The following AGAP1 variants were observed in gnomAD, a reference collection of about 807,000 sequenced individuals.
AGAP1 encodes arf-GAP with GTPase, ANK repeat and PH domain-containing protein 1.
AGAP1 carries 29 observed loss-of-function variants against 105.3 expected under a neutral mutation model. The observed-to-expected ratio is 0.28, with a 90% CI of 0.21 to 0.38. The LOEUF (loss-of-function observed/expected upper bound fraction) is 0.38. Among genes scored for constraint, AGAP1 ranks in the 10% least tolerant of loss-of-function variants. The pLI, the probability that AGAP1 is intolerant of heterozygous loss-of-function variation, is 1.00. For missense variants in AGAP1, 998 were observed against 1,165.1 expected (o/e 0.86, Z 2.09); for synonymous variants, 509 against 485.9 (o/e 1.05, Z -0.63).
intron 13 of AGAP1, among the ~76,000 whole-genome samples, chr2:236,026,061 T>G (rs550633616): frequency 6.6e-6 from 1 of 152,308 alleles, no homozygotes; most frequent in African/African-American, 2.4e-5. Context: ...TTCATACCTG[T>G]CCACAGGGAG....
chr2:235,688,410 G>A (rs1949571345), intron 1 of AGAP1, among the ~76,000 whole-genome samples: 1 of 152,128 alleles, frequency 6.6e-6, no homozygotes, highest in Non-Finnish European at 1.5e-5. Context: ...CTCTCTGGAA[G>A]GTCATGACGG....
At chr2:235,524,042 C>T (rs937553292) in intron 1 of AGAP1, among the ~76,000 whole-genome samples, 6 of 152,230 alleles carry the variant, frequency 3.9e-5, no homozygotes, top group African/African-American at 1.4e-4. Context: ...CCCCATCCTT[C>T]CAGTGGGGAT....
In AGAP1 at chr2:235,566,256, T is replaced by C. The variant is rs1276031281; in HGVS notation, c.163+71407T>C. On this transcript the variant is annotated intron_variant, in intron 1 of 17. Coordinates refer to ENST00000304032, the MANE Select transcript of AGAP1 (RefSeq NM_001037131.3). The surrounding 1 kb of genome is among the most constrained non-coding windows in gnomAD (Gnocchi z 5.2). ...ACAGGCATGCGCCACCACGCCTGGCTAATTTTGTATTTTTAGTACAGACGG... is the reference window on the plus strand; with the variant it reads ...ACAGGCATGCGCCACCACGCCTGGCCAATTTTGTATTTTTAGTACAGACGG... Among the ~76,000 whole-genome samples, 1 of 152,164 alleles carries C rather than the reference T, an allele frequency of 6.6e-6. No individual in the cohort carries two copies. The highest frequency in any genetic ancestry group is 1.5e-5 in the Non-Finnish European group (1 of 68,038).
chr2:235,603,249 T>C (rs1029027377), intron 1 of AGAP1, among the ~76,000 whole-genome samples: 1 of 152,206 alleles, frequency 6.6e-6, no homozygotes, highest in Non-Finnish European at 1.5e-5. Flanking sequence ...ATGTAAGATG[T>C]GCCTTTCACC....
chr2:235,789,080 GT>G lies in AGAP1; in HGVS notation c.674-8676del, dbSNP rs1956819904. Reference sequence around the variant, plus strand: ...GTGCATGGAAGAGGAAGGGATGTGTGTTTCCTGCAGCGTGATTTGAAGTCCC... The same window carrying G: ...GTGCATGGAAGAGGAAGGGATGTGTGTTCCTGCAGCGTGATTTGAAGTCCC... On this transcript the variant is annotated intron_variant, in intron 6 of 17. Coordinates refer to ENST00000304032, the MANE Select transcript of AGAP1 (RefSeq NM_001037131.3). This position sits in a 1 kb window ranked among gnomAD's most constrained non-coding sequence, Gnocchi z 4.2. 6.6e-6 allele frequency among the ~76,000 whole-genome samples: 1 copy of G among 152,228 alleles called. No individual in the cohort carries two copies. Among genetic ancestry groups the G allele is most frequent in the Admixed American group, 6.5e-5 (1 of 15,288 alleles).
In AGAP1 at chr2:235,994,621, C is replaced by T. The variant is rs1410896770; in HGVS notation, c.1645+25998C>T. On this transcript the variant is annotated intron_variant, in intron 13 of 17. Coordinates refer to ENST00000304032, the MANE Select transcript of AGAP1 (RefSeq NM_001037131.3). This position sits in a 1 kb window ranked among gnomAD's most constrained non-coding sequence, Gnocchi z 4.4. ...ATTGTCTTATTCAGTCCCGACTTTC[C>T]CAACGCCTCGCAGCCCGATGATACA... Among the ~76,000 whole-genome samples, 1 of 152,138 alleles carries T rather than the reference C, an allele frequency of 6.6e-6. No homozygotes were observed. Among genetic ancestry groups the T allele is most frequent in the African/African-American group, 2.4e-5 (1 of 41,440 alleles).
chr2:235,814,858 C>G (rs1192820644), intron 9 of AGAP1, among the ~76,000 whole-genome samples: 1 of 152,104 alleles, frequency 6.6e-6, no homozygotes, highest in Non-Finnish European at 1.5e-5. Context: ...GCCAAGGACT[C>G]TGGCTGCTCT....
rs549499727 is a variant in AGAP1 at position 235,578,340 on chromosome 2, C to T, written c.163+83491C>T. ...GAACCACAATGCCTGTTCCCCTTAC[C>T]TGCCCCCAGGTGTCCTGGGAGAAGT... On this transcript the variant is annotated intron_variant, in intron 1 of 17. Coordinates refer to ENST00000304032, the MANE Select transcript of AGAP1 (RefSeq NM_001037131.3). The surrounding 1 kb of genome is among the most constrained non-coding windows in gnomAD (Gnocchi z 4.9). 1.3e-5 allele frequency among the ~76,000 whole-genome samples: 2 copies of T among 152,284 alleles called. No homozygotes were observed. The highest frequency in any genetic ancestry group is 4.1e-4 in the South Asian group (2 of 4,826).
chr2:236,022,818 T>G (rs1357698702), intron 13 of AGAP1, among the ~76,000 whole-genome samples: 1 of 152,098 alleles, frequency 6.6e-6, no homozygotes, highest in East Asian at 1.9e-4. Flanking sequence ...GATTACAGGC[T>G]TGAGCTACCG....
At position 235,979,603 on chromosome 2, in the gene AGAP1, C is replaced by T. The variant is rs2055004661; in HGVS notation, c.1645+10980C>T. On this transcript the variant is annotated intron_variant, in intron 13 of 17. Transcript: ENST00000304032. This position sits in a 1 kb window ranked among gnomAD's most constrained non-coding sequence, Gnocchi z 4.5. The stretch of plus-strand genomic sequence containing the variant: ...GGAGCCAGTGAAAGAACAGGCGCAG[C>T]GAACGTTCCGGCAGGCATTGCCGTG... Among the ~76,000 whole-genome samples, 1 of 152,294 alleles carries T rather than the reference C, an allele frequency of 6.6e-6. No individual in the cohort carries two copies. Among genetic ancestry groups the T allele is most frequent in the East Asian group, 1.9e-4 (1 of 5,176 alleles).
At chr2:236,091,093 C>T (rs544118089) in intron 16 of AGAP1, among the ~76,000 whole-genome samples, 3 of 152,336 alleles carry the variant, frequency 2.0e-5, no homozygotes, top group Admixed American at 6.5e-5. Flanking sequence ...CCTGCATGCC[C>T]TGTCCTTGGC....
chr2:236,064,760 C>T (rs1178215853), intron 16 of AGAP1, among the ~76,000 whole-genome samples: 3 of 152,128 alleles, frequency 2.0e-5, no homozygotes, highest in East Asian at 3.8e-4. Flanking sequence ...GGAAGAGCCT[C>T]GCACCCTTCC....
At position 236,023,063 on chromosome 2, in the gene AGAP1, G is replaced by A. The variant is rs2056935684; in HGVS notation, c.1646-13498G>A. Among the ~76,000 whole-genome samples the A allele has an allele frequency of 1.3e-5, 2 of 152,298 alleles. 1 individual carries two copies. The highest frequency in any genetic ancestry group is 4.1e-4 in the South Asian group (2 of 4,828). On this transcript the variant is annotated intron_variant, in intron 13 of 17. Coordinates refer to ENST00000304032, the MANE Select transcript of AGAP1 (RefSeq NM_001037131.3). ...GAGGAAAAATAGCATTAAAGCCCGGGTGTGTGCGTGACATTGCCACACATT... is the reference window on the plus strand; with the variant it reads ...GAGGAAAAATAGCATTAAAGCCCGGATGTGTGCGTGACATTGCCACACATT...
chr2:235,557,714 G>A lies in AGAP1; in HGVS notation c.163+62865G>A, dbSNP rs1944016424. Among the ~76,000 whole-genome samples the A allele has an allele frequency of 6.6e-6, 1 of 152,160 alleles. No individual in the cohort carries two copies. The highest frequency in any genetic ancestry group is 1.5e-5 in the Non-Finnish European group (1 of 68,032). ...TTGCTGTGGTACACCCAGACAGCCT[G>A]ACCCCAGAGTGGGCACTTCAGGTCC... On this transcript the variant is annotated intron_variant, in intron 1 of 17. Coordinates refer to ENST00000304032, the MANE Select transcript of AGAP1 (RefSeq NM_001037131.3). This position sits in a 1 kb window ranked among gnomAD's most constrained non-coding sequence, Gnocchi z 4.7.
At chr2:235,853,261 C>G in intron 9 of AGAP1, 1 of 978,868 alleles carries the variant, frequency 1.0e-6, no homozygotes, top group Non-Finnish European at 1.2e-6. Flanking sequence ...GGTAAAATGG[C>G]TCCCCCTACT....
chr2:235,520,077 C>T (rs901993711), intron 1 of AGAP1, among the ~76,000 whole-genome samples: 3 of 152,140 alleles, frequency 2.0e-5, no homozygotes, highest in Non-Finnish European at 4.4e-5. Flanking sequence ...CCACCAGGCC[C>T]GGCCTCAATA....
At position 235,705,617 on chromosome 2, in the gene AGAP1, C is replaced by T. The variant is rs1435180920; in HGVS notation, c.164-3562C>T. Among the ~76,000 whole-genome samples, 5 of 152,270 alleles carry T rather than the reference C, an allele frequency of 3.3e-5. No homozygotes were observed. The South Asian group carries it at 1.0e-3, about 32-fold the overall frequency. On this transcript the variant is annotated intron_variant, in intron 1 of 17. Coordinates refer to ENST00000304032, the MANE Select transcript of AGAP1 (RefSeq NM_001037131.3). The surrounding 1 kb of genome is among the most constrained non-coding windows in gnomAD (Gnocchi z 4.9). ...CTTTCGCGAATGTTTTGTTAATTTT[C>T]GTTTAGCTTTGTATGAGGCAGCATT... is the stretch of plus-strand genomic sequence containing the variant.
In AGAP1 at chr2:235,875,798, A is replaced by T. The variant is rs1368296825; in HGVS notation, c.1051-7547A>T. Among the ~76,000 whole-genome samples, 2 of 152,210 alleles carry T rather than the reference A, an allele frequency of 1.3e-5. No homozygotes were observed. The highest frequency in any genetic ancestry group is 2.4e-5 in the African/African-American group (1 of 41,456). On this transcript the variant is annotated intron_variant, in intron 9 of 17. Coordinates refer to ENST00000304032, the MANE Select transcript of AGAP1 (RefSeq NM_001037131.3). The surrounding 1 kb of genome is among the most constrained non-coding windows in gnomAD (Gnocchi z 4.0). ...CGTGCAGTGATTTTGATGGCTGTTT[A>T]TCCGGACTAATCAGACAAAAACATC...
chr2:236,064,957 C>T (rs910856431), intron 16 of AGAP1, among the ~76,000 whole-genome samples: 1 of 152,148 alleles, frequency 6.6e-6, no homozygotes, highest in Non-Finnish European at 1.5e-5. Context: ...GTTACTTTTT[C>T]ATTGTTTTCT....
Sources: gnomAD v4.1 joint callset for allele counts (sites outside exome capture counted in the v4.1 genomes callset) on GRCh38, gnomAD v4.1.1 for gene constraint, Gnocchi (gnomAD v3.1) non-coding constraint, MANE v1.5 for transcripts, NCBI Gene and HGNC (gene_info 2026-07-23, HGNC 2026-07-21) for gene names.